NMNAT3: variants seen among roughly 807,000 people sequenced by gnomAD.
The protein encoded by NMNAT3 is nicotinamide nucleotide adenylyltransferase 3, also known as nicotinamide/nicotinic acid mononucleotide adenylyltransferase 3.
A neutral mutation model predicts 24.8 loss-of-function variants in NMNAT3; 21 were observed. The observed-to-expected ratio is 0.85, with a 90% CI of 0.60 to 1.22. The LOEUF is 1.22. Ranked by LOEUF, NMNAT3 falls within the 50% of genes most tolerant of loss-of-function variation. The pLI, the probability that NMNAT3 is intolerant of heterozygous loss-of-function variation, is 0.00. For synonymous variants in NMNAT3, 136 were observed against 155.2 expected, an observed-to-expected ratio of 0.88 and a Z score of 0.92; for missense variants, 387 against 436.6, an observed-to-expected ratio of 0.89 and a Z score of 1.01.
intron 1 of NMNAT3, among the ~76,000 whole-genome samples, chr3:139,673,890 G>A (rs1037557803): frequency 1.3e-5 from 2 of 152,026 alleles, no homozygotes; most frequent in African/African-American, 4.8e-5. Context: ...AGCAGAGGAG[G>A]TAATTCAGCG....
In NMNAT3 at chr3:139,627,672, A is replaced by C; in HGVS notation, c.53T>G (p.Ile18Ser). ...AAACATGCGCAGGTGCATGTTGGTG[A>C]TGGGGTTAAAGGAGCCACAGGCCAG... The change falls in exon 3 of 7, where the codon ATC (isoleucine) becomes AGC (serine). Residue 18 changes from isoleucine (I) to serine (S), a missense_variant. Around this residue, in one of 3 missense-constraint regions of NMNAT3, gnomAD observed 51 missense variants for 55.6 expected, o/e 0.92. Coordinates refer to ENST00000643695, the MANE Select transcript of NMNAT3 (RefSeq NM_001320510.2). 6.3e-7 allele frequency: 1 copy of C among 1,596,390 alleles called. No individual in the cohort carries two copies. The highest frequency in any genetic ancestry group is 8.5e-7 in the Non-Finnish European group (1 of 1,178,620).
At chr3:139,670,773 A>G (rs762753548) in intron 1 of NMNAT3, among the ~76,000 whole-genome samples, 6 of 152,178 alleles carry the variant, frequency 3.9e-5, no homozygotes, top group Non-Finnish European at 5.9e-5. Context: ...GGTTGTGGGG[A>G]GAGTTTGCTG....
chr3:139,569,569 C>T (rs1333385422), intron 6 of NMNAT3: 17 of 152,236 alleles, frequency 1.1e-4, no homozygotes, highest in Admixed American at 3.9e-4. Context: ...ATTTGCTTGT[C>T]TGTAAAGGGT....
At chr3:139,644,226 C>G (rs181489021) in intron 1 of NMNAT3, among the ~76,000 whole-genome samples, 10 of 152,208 alleles carry the variant, frequency 6.6e-5, no homozygotes, top group South Asian at 4.1e-4. Context: ...AATAAAAGAA[C>G]ACTAACAATA....
chr3:139,578,371 T>TA (rs1405749164), intron 5 of NMNAT3, among the ~76,000 whole-genome samples: 6 of 152,178 alleles, frequency 3.9e-5, no homozygotes, highest in African/African-American at 1.4e-4. Context: ...ATTGTACAAT[T>TA]AAAAAAGACA....
Position 139,663,570 on chromosome 3 carries a change from T to C in NMNAT3, c.-141+14135A>G, listed in dbSNP as rs191034171. 4.6e-5 allele frequency among the ~76,000 whole-genome samples: 7 copies of C among 152,338 alleles called. No homozygotes were observed. In the East Asian group the frequency reaches 1.3e-3, roughly 29 times the overall value. On this transcript the variant is annotated intron_variant, in intron 1 of 6. Coordinates refer to ENST00000643695, the MANE Select transcript of NMNAT3 (RefSeq NM_001320510.2). ...ATCTCAAACCTAGCTCTGCTCCTGCTACTTCACTGTGTGAATTTGGGCCAC... is the reference window on the plus strand; with the variant it reads ...ATCTCAAACCTAGCTCTGCTCCTGCCACTTCACTGTGTGAATTTGGGCCAC...
At chr3:139,629,241 A>G (rs2056187072) in intron 2 of NMNAT3, among the ~76,000 whole-genome samples, 1 of 152,186 alleles carries the variant, frequency 6.6e-6, no homozygotes, top group Non-Finnish European at 1.5e-5. Flanking sequence ...CCATGGGCCC[A>G]GGAAGTGAGA....
intron 4 of NMNAT3, among the ~76,000 whole-genome samples, chr3:139,580,569 C>T (rs569847724): frequency 6.6e-6 from 1 of 152,286 alleles, no homozygotes; most frequent in Non-Finnish European, 1.5e-5. Context: ...AGTGGTGTTG[C>T]ACATACAGAC....
At position 139,670,387 on chromosome 3, in the gene NMNAT3, C is replaced by T. The variant is rs558867499; in HGVS notation, c.-141+7318G>A. ...ACGGGATAACTCTGAGATGGTTCTG[C>T]GCTGGCTCTGGAGATCCCCATCAGG... is the stretch of plus-strand genomic sequence containing the variant. On this transcript the variant is annotated intron_variant, in intron 1 of 6. Coordinates refer to ENST00000643695, the MANE Select transcript of NMNAT3 (RefSeq NM_001320510.2). 8.1e-4 allele frequency among the ~76,000 whole-genome samples: 123 copies of T among 152,300 alleles called. 1 individual carries two copies. Among genetic ancestry groups the T allele is most frequent in the African/African-American group, 2.8e-3 (118 of 41,560 alleles).
chr3:139,655,820 G>GGCTGGATTGCA (rs2057222208), intron 1 of NMNAT3, among the ~76,000 whole-genome samples: 1 of 152,182 alleles, frequency 6.6e-6, no homozygotes, highest in Non-Finnish European at 1.5e-5. Flanking sequence ...CCTAAAACCT[G>GGCTGGATTGCA]GCTGGATTGC....
intron 1 of NMNAT3, among the ~76,000 whole-genome samples, chr3:139,674,068 T>G (rs549062013): frequency 2.0e-5 from 3 of 152,240 alleles, no homozygotes; most frequent in Non-Finnish European, 2.9e-5. Context: ...GGCACAGGGA[T>G]GAAGACCAGG....
chr3:139,637,414 G>A (rs1303965086), intron 2 of NMNAT3: 1 of 152,188 alleles, frequency 6.6e-6, no homozygotes, highest in East Asian at 1.9e-4. Flanking sequence ...CACCTCTATA[G>A]ATCCCACACA....
intron 1 of NMNAT3, among the ~76,000 whole-genome samples, chr3:139,659,965 G>A (rs552728064): frequency 1.3e-5 from 2 of 152,218 alleles, no homozygotes; most frequent in South Asian, 4.1e-4. Flanking sequence ...CTGGGGCCCA[G>A]CAACTTGGGT....
In NMNAT3 at chr3:139,560,883, A is replaced by T; in HGVS notation, c.*127T>A. On this transcript the variant is annotated 3_prime_UTR_variant, in exon 7 of 7. Coordinates refer to ENST00000643695, the MANE Select transcript of NMNAT3 (RefSeq NM_001320510.2). ...CTGGGACAGAAGACTCCTCAGAAGT[A>T]GAATCACTGTAGAAATAAAGCAAAT... 1.1e-6 allele frequency: 1 copy of T among 916,474 alleles called. No individual in the cohort carries two copies. Among genetic ancestry groups the T allele is most frequent in the Non-Finnish European group, 1.7e-6 (1 of 598,002 alleles). The allele number at this position is 916,474 out of a possible 1,614,324, so 56.8% of individuals were successfully genotyped here. A position where few individuals can be genotyped will look rare whatever the true frequency, so the allele number is the denominator to read the frequency against.
At chr3:139,571,590 C>G (rs1938357436) in intron 6 of NMNAT3, 1 of 151,886 alleles carries the variant, frequency 6.6e-6, no homozygotes, top group Non-Finnish European at 1.5e-5. Flanking sequence ...AGAAAGAGGC[C>G]CTCAACAATA....
intron 3 of NMNAT3, among the ~76,000 whole-genome samples, chr3:139,586,405 C>T (rs1387560273): frequency 6.6e-6 from 1 of 152,142 alleles, no homozygotes; most frequent in South Asian, 2.1e-4. Context: ...GTGTGGAAAA[C>T]GTGCTACCCA....
intron 1 of NMNAT3, among the ~76,000 whole-genome samples, chr3:139,648,330 T>C (rs939220205): frequency 1.3e-5 from 2 of 152,242 alleles, no homozygotes; most frequent in Non-Finnish European, 2.9e-5. Flanking sequence ...ATTAAACCCC[T>C]TTTCTTTATA....
chr3:139,588,154 C>T (rs2054016877), intron 3 of NMNAT3, among the ~76,000 whole-genome samples: 1 of 152,154 alleles, frequency 6.6e-6, no homozygotes, highest in South Asian at 2.1e-4. Context: ...CCCTCTCAGG[C>T]CCTCCCCCAC....
intron 6 of NMNAT3, chr3:139,572,161 G>T (rs1354525442): frequency 1.5e-5 from 6 of 398,732 alleles, no homozygotes; most frequent in African/African-American, 8.2e-5. Context: ...GGCTGTCTCT[G>T]TTCTCAGCCT....
Sources: allele counts gnomAD v4.1 joint callset (sites outside exome capture counted in the v4.1 genomes callset), GRCh38; gene constraint gnomAD v4.1.1; regional missense constraint gnomAD v4.1.1; transcripts MANE v1.5; gene names NCBI Gene and HGNC (gene_info 2026-07-23, HGNC 2026-07-21).